SLC4A2: variants seen among roughly 807,000 people sequenced by gnomAD.
SLC4A2 encodes solute carrier family 4 member 2, also known as anion exchange protein 2.
In SLC4A2, 36 loss-of-function variants were observed where a neutral mutation model predicts 115.0. The observed-to-expected ratio is 0.31, with a 90% CI of 0.24 to 0.41. The LOEUF is 0.41. Ranked by LOEUF, SLC4A2 falls within the 10% of genes least tolerant of loss-of-function variation. SLC4A2 has a pLI of 1.00. For synonymous variants in SLC4A2, 708 were observed against 708.3 expected, an observed-to-expected ratio of 1.00 and a Z score of 0.01; for missense variants, 1,252 against 1,705.6, an observed-to-expected ratio of 0.73 and a Z score of 4.68.
chr7:151,071,261 G>C lies in SLC4A2; in HGVS notation c.1939G>C (p.Gly647Arg). Residue 647 changes from glycine to arginine, a missense_variant, in exon 13 of 23, where the codon GGG becomes CGG. Transcript: ENST00000413384. The surrounding 1 kb of genome is among the most constrained non-coding windows in gnomAD (Gnocchi z 5.5). ...REEQGRLLPT[G>R]AGLEPKSAQD... ...GGAGCAGGGCCGGCTGCTACCTACA[G>C]GGGCTGGGCTGGAGCCCAAATCTGC... The C allele has an allele frequency of 6.4e-7, 1 of 1,564,482 alleles. No homozygotes were observed. Among genetic ancestry groups the C allele is most frequent in the East Asian group, 2.4e-5 (1 of 41,762 alleles).
chr7:151,066,022 C>T (rs796784143), intron 5 of SLC4A2, among the ~76,000 whole-genome samples: 1 of 152,312 alleles, frequency 6.6e-6, no homozygotes, highest in African/African-American at 2.4e-5. Context: ...ATCTCCAAGG[C>T]CCGGTGCCAC....
At chr7:151,063,087 T>C (rs1272078954) in intron 2 of SLC4A2, 8 of 1,496,110 alleles carry the variant, frequency 5.3e-6, no homozygotes, top group African/African-American at 1.4e-5. Flanking sequence ...CAAGGCTGCC[T>C]GGCCAGGCGG....
In SLC4A2 at chr7:151,071,635, G is replaced by A. The variant is rs367723214; in HGVS notation, c.2191+30G>A. 1.5e-5 allele frequency: 25 copies of A among 1,613,124 alleles called. No homozygotes were observed. The highest frequency in any genetic ancestry group is 1.6e-4 in the Middle Eastern group (1 of 6,062). The stretch of plus-strand genomic sequence containing the variant: ...GGAGAGCCTTCAGGTAGGGGGCGGC[G>A]GGGACTGCCCAGGGCCTGGCCACCA... On this transcript the variant is annotated intron_variant, in intron 14 of 22. Coordinates refer to ENST00000413384, the MANE Select transcript of SLC4A2 (RefSeq NM_003040.4). This position sits in a 1 kb window ranked among gnomAD's most constrained non-coding sequence, Gnocchi z 5.5.
chr7:151,060,666 G>A lies in SLC4A2; in HGVS notation c.-64+904G>A, dbSNP rs1288562615. 6.6e-6 allele frequency among the ~76,000 whole-genome samples: 1 copy of A among 152,146 alleles called. No individual in the cohort carries two copies. The highest frequency in any genetic ancestry group is 1.5e-5 in the Non-Finnish European group (1 of 68,016). On this transcript the variant is annotated intron_variant, in intron 1 of 22. Coordinates refer to ENST00000413384, the MANE Select transcript of SLC4A2 (RefSeq NM_003040.4). This position sits in a 1 kb window ranked among gnomAD's most constrained non-coding sequence, Gnocchi z 5.9. Reference sequence around the variant, plus strand: ...GAGGTGGGAGTGGGCGCCTGCAGGTGCTCTGGGCGGACTCTCCCCACACCC... The same window carrying A: ...GAGGTGGGAGTGGGCGCCTGCAGGTACTCTGGGCGGACTCTCCCCACACCC...
intron 6 of SLC4A2, 33 bp downstream of exon 6, chr7:151,066,794 G>C: frequency 6.3e-7 from 1 of 1,588,716 alleles, no homozygotes. Context: ...GCCCGGCACT[G>C]GTGGGCAAAG....
intron 5 of SLC4A2, among the ~76,000 whole-genome samples, chr7:151,066,047 T>C (rs936945190): frequency 5.3e-5 from 8 of 152,306 alleles, no homozygotes; most frequent in Admixed American, 5.2e-4. Flanking sequence ...TTTATTCCTC[T>C]TGATTAAACA....
intron 8 of SLC4A2, 86 bp downstream of exon 8, chr7:151,068,140 T>G (rs1232625316): frequency 1.8e-6 from 2 of 1,084,052 alleles, no homozygotes; most frequent in East Asian, 6.2e-5. Context: ...AGCCCCACGT[T>G]GTGTGACAGC....
chr7:151,072,382 C>G (rs1052880553), intron 16 of SLC4A2, among the ~76,000 whole-genome samples: 4 of 152,176 alleles, frequency 2.6e-5, no homozygotes, highest in African/African-American at 9.7e-5. Context: ...ACTTCTGCCT[C>G]CTGGGTTCAA....
At chr7:151,072,160 T>G (rs1236012803) in intron 16 of SLC4A2, 24 bp downstream of exon 16, 9 of 1,604,886 alleles carry the variant, frequency 5.6e-6, no homozygotes, top group Non-Finnish European at 7.7e-6. Context: ...TGCCGAGAGC[T>G]GGGCCAGGAG....
intron 17 of SLC4A2, 37 bp from the exon 18 acceptor site, chr7:151,074,362 G>T: frequency 6.2e-7 from 1 of 1,612,286 alleles, no homozygotes; most frequent in Non-Finnish European, 8.5e-7. Context: ...CAGCGGCTGT[G>T]GTGGCAGGAC....
At position 151,063,093 on chromosome 7, in the gene SLC4A2, G is replaced by C; in HGVS notation, c.51+1055G>C. On this transcript the variant is annotated intron_variant, in intron 2 of 22. Coordinates refer to ENST00000413384, the MANE Select transcript of SLC4A2 (RefSeq NM_003040.4). ...GGGCTGGACCAAGGCTGCCTGGCCA[G>C]GCGGCTGCCGCTTAGCTGGGCTGAG... The C allele has an allele frequency of 5.2e-6, 8 of 1,524,210 alleles. No homozygotes were observed. In the South Asian group the frequency reaches 6.0e-5, roughly 11 times the overall value. 94.4% of individuals were successfully genotyped at this position (1,524,210 alleles called of 1,614,324 possible).
At chr7:151,067,120 G>A (rs752448402) in intron 7 of SLC4A2, 127 bp downstream of exon 7, 18 of 1,028,534 alleles carry the variant, frequency 1.8e-5, no homozygotes, top group African/African-American at 3.2e-5. Flanking sequence ...AGACAGTCTC[G>A]CTCTGTTGCC....
At position 151,066,725 on chromosome 7, in the gene SLC4A2, C is replaced by A. The variant is rs1271832780; in HGVS notation, c.787C>A (p.Gln263Lys). Reference sequence around the variant, plus strand: ...GGTCCCCACGGATGAGATTGAGGCCCAGACGCTGGCCACGGCCGACCTAGA... The same window carrying A: ...GGTCCCCACGGATGAGATTGAGGCCAAGACGCTGGCCACGGCCGACCTAGA... ...PRVPTDEIEAQTLATADLDLM... is the reference protein window; with the variant it reads ...PRVPTDEIEAKTLATADLDLM... The change falls in exon 6 of 23, where the codon CAG becomes AAG. Residue 263 changes from glutamine to lysine, a missense_variant. By Grantham distance (53) the Gln-to-Lys change is moderately conservative. Transcript: ENST00000413384. The A allele has an allele frequency of 6.4e-7, 1 of 1,555,508 alleles. No homozygotes were observed. The highest frequency in any genetic ancestry group is 8.7e-7 in the Non-Finnish European group (1 of 1,149,682).
At chr7:151,068,927 C>T (rs1797329146) in intron 8 of SLC4A2, among the ~76,000 whole-genome samples, 1 of 151,504 alleles carries the variant, frequency 6.6e-6, no homozygotes, top group Admixed American at 6.6e-5. Context: ...ATTACGAGGT[C>T]AGGAGATTGA....
At chr7:151,065,889 AG>A (rs1475619160) in intron 5 of SLC4A2, among the ~76,000 whole-genome samples, 1 of 152,040 alleles carries the variant, frequency 6.6e-6, no homozygotes, top group Admixed American at 6.5e-5. Flanking sequence ...GTTGAGAGAG[AG>A]GGGTAGGACC....
intron 5 of SLC4A2, among the ~76,000 whole-genome samples, chr7:151,065,641 G>C (rs34158168): frequency 0.016 from 2,389 of 152,320 alleles, 55 homozygotes; most frequent in African/African-American, 0.053. Flanking sequence ...GAAGTGAAGG[G>C]CATGTTGTCC....
At chr7:151,061,875 T>A in intron 1 of SLC4A2, 50 bp from the exon 2 acceptor site, 1 of 992,894 alleles carries the variant, frequency 1.0e-6, no homozygotes, top group Non-Finnish European at 1.5e-6. Context: ...GCGTGGTGGC[T>A]CCTGCCCTCC....
In SLC4A2 at chr7:151,075,528, T is replaced by C; in HGVS notation, c.3301+20T>C. 6.3e-7 allele frequency: 1 copy of C among 1,594,990 alleles called. No homozygotes were observed. The highest frequency in any genetic ancestry group is 1.1e-5 in the South Asian group (1 of 90,906). On this transcript the variant is annotated intron_variant, in intron 20 of 22. Transcript: ENST00000413384. ...TTGTGGGTACGTTGCCTCTTGCCTT[T>C]CCCTTCCCAGTGGATTCCCCAGGGC...
Position 151,076,183 on chromosome 7 carries a change from A to G in SLC4A2, c.3642A>G (p.Lys1214=). 6.2e-7 allele frequency: 1 copy of G among 1,611,808 alleles called. No individual in the cohort carries two copies. Among genetic ancestry groups the G allele is most frequent in the Non-Finnish European group, 8.5e-7 (1 of 1,179,802 alleles). ...GTATCTTCACCGACCGAGAGATGAA[A>G]TGTGTAAGCCCTCCCGTCTGCCTCC... The part of the protein sequence containing the change: ...LTRIFTDREM[K]CLDANEAEPV... Residue 1214 remains lysine, a synonymous_variant, in exon 22 of 23, where the codon AAA becomes AAG. Coordinates refer to ENST00000413384, the MANE Select transcript of SLC4A2 (RefSeq NM_003040.4).
Sources: allele counts gnomAD v4.1 joint callset (sites outside exome capture counted in the v4.1 genomes callset), GRCh38; gene constraint gnomAD v4.1.1; non-coding constraint Gnocchi (gnomAD v3.1); transcripts MANE v1.5; gene names NCBI Gene and HGNC (gene_info 2026-07-23, HGNC 2026-07-21).